Variants in VWA3A observed in about 807,000 individuals in gnomAD.
The protein encoded by VWA3A is von Willebrand factor A domain-containing protein 3A.
In VWA3A, 134 loss-of-function variants were observed where a neutral mutation model predicts 160.4. The ratio of observed to expected loss-of-function variants is 0.84; its 90% CI spans 0.73 to 0.96. The LOEUF (loss-of-function observed/expected upper bound fraction) is 0.96. Ranked by LOEUF, VWA3A falls within the 40% of genes least tolerant of loss-of-function variation. VWA3A has a pLI of 0.00. For missense variants in VWA3A, 1,310 were observed against 1,447.9 expected, an observed-to-expected ratio of 0.90 and a Z score of 1.55; for synonymous variants, 476 against 543.4, an observed-to-expected ratio of 0.88 and a Z score of 1.72.
chr16:22,155,758 C>A, intron 32 of VWA3A, 93 bp from the exon 33 acceptor site: 1 of 1,603,318 alleles, frequency 6.2e-7, no homozygotes, highest in South Asian at 1.1e-5. Flanking sequence ...CATGATGGTA[C>A]CCTTGCTCCA....
intron 16 of VWA3A, among the ~76,000 whole-genome samples, chr16:22,125,966 C>G (rs2045841226): frequency 6.6e-6 from 1 of 152,088 alleles, no homozygotes; most frequent in Non-Finnish European, 1.5e-5. Flanking sequence ...CATTAAAGCA[C>G]CTCCTGGGAG....
chr16:22,146,158 A>T lies in VWA3A; in HGVS notation c.2731-78A>T, dbSNP rs1055767632. The stretch of plus-strand genomic sequence containing the variant: ...TGAGAATTGTTAACCACAATGGAAT[A>T]AACAATTTTAGGGGGTGATGGGGAT... On this transcript the variant is annotated intron_variant, in intron 26 of 33. Coordinates refer to ENST00000389398, the MANE Select transcript of VWA3A (RefSeq NM_173615.5). 39 of 1,187,574 alleles carry T rather than the reference A, an allele frequency of 3.3e-5. No individual in the cohort carries two copies. The African/African-American group carries it at 4.7e-4, about 14-fold the overall frequency. The allele number at this position is 1,187,574 out of a possible 1,614,324, so 73.6% of individuals were successfully genotyped here.
intron 5 of VWA3A, among the ~76,000 whole-genome samples, chr16:22,101,815 T>C (rs1380634760): frequency 6.6e-6 from 1 of 152,260 alleles, no homozygotes; most frequent in African/African-American, 2.4e-5. Context: ...TCAGTTTTAA[T>C]TGTGAATCCA....
chr16:22,106,061 G>A (rs767419419), intron 6 of VWA3A, among the ~76,000 whole-genome samples: 62 of 152,288 alleles, frequency 4.1e-4, no homozygotes, highest in Non-Finnish European at 7.5e-4. Flanking sequence ...GCTGAGTAAG[G>A]GAACAGAGGG....
intron 26 of VWA3A, among the ~76,000 whole-genome samples, chr16:22,145,814 T>C (rs2046239581): frequency 2.6e-5 from 4 of 152,066 alleles, no homozygotes. Flanking sequence ...ATGGTTGTTT[T>C]TTGTGGGTTT....
chr16:22,130,155 G>T (rs2141953282), intron 17 of VWA3A, among the ~76,000 whole-genome samples: 1 of 152,262 alleles, frequency 6.6e-6, no homozygotes, highest in Admixed American at 6.5e-5. Flanking sequence ...TCCACTGGTG[G>T]GGGAATGGAG....
At chr16:22,116,414 AG>A (rs2045648715) in intron 9 of VWA3A, 1 of 445,112 alleles carries the variant, frequency 2.2e-6, no homozygotes. Context: ...AGAAAAACAA[AG>A]GAAAAAGGAA....
In VWA3A at chr16:22,100,310, A is replaced by G; in HGVS notation, c.342A>G (p.Thr114=). ...LTLADLISQG[T]EVLEEGTNVV... ...TGGCTGACCTGATAAGCCAGGGCAC[A>G]GAAGTGCTGTAAGTCTGAAGCTGTT... The change falls in exon 4 of 34, where the codon ACA becomes ACG. Residue 114 remains threonine (T), a synonymous_variant. Transcript: ENST00000389398. 2.6e-6 allele frequency: 4 copies of G among 1,551,670 alleles called. No individual in the cohort carries two copies. The highest frequency in any genetic ancestry group is 3.5e-6 in the Non-Finnish European group (4 of 1,147,008).
chr16:22,144,363 C>T lies in VWA3A; in HGVS notation c.2709C>T (p.Ile903=). 3.7e-6 allele frequency: 6 copies of T among 1,613,858 alleles called. No homozygotes were observed. The highest frequency in any genetic ancestry group is 5.1e-6 in the Non-Finnish European group (6 of 1,179,866). ...CAGCATCCGCCAAACACTGCAGCAT[C>T]TTCCCCAGCGTTGAGATCCATGTAA... ...QRSASAKHCS[I]FPSVEIHGVV... Residue 903 remains isoleucine, a synonymous_variant, in exon 26 of 34, where the codon ATC becomes ATT. Coordinates refer to ENST00000389398, the MANE Select transcript of VWA3A (RefSeq NM_173615.5).
intron 31 of VWA3A, among the ~76,000 whole-genome samples, chr16:22,154,823 G>C (rs2046410269): frequency 6.7e-6 from 1 of 150,282 alleles, no homozygotes; most frequent in Non-Finnish European, 1.5e-5. Context: ...GCGCGGTGGC[G>C]GGCGCCTGTA....
intron 1 of VWA3A, among the ~76,000 whole-genome samples, chr16:22,095,369 C>A (rs2141821861): frequency 6.6e-6 from 1 of 152,214 alleles, no homozygotes; most frequent in East Asian, 1.9e-4. Context: ...GAAAGGGAGG[C>A]CCTTGTGGAA....
At chr16:22,100,391 C>T (rs2141836912) in intron 4 of VWA3A, 25 bp from the exon 5 acceptor site, 3 of 1,551,662 alleles carry the variant, frequency 1.9e-6, no homozygotes, top group East Asian at 4.9e-5. Context: ...CCGAGAGATC[C>T]CCTCATAAGG....
At chr16:22,147,449 A>G in intron 27 of VWA3A, 1 of 637,056 alleles carries the variant, frequency 1.6e-6, no homozygotes, top group Non-Finnish European at 2.9e-6. Flanking sequence ...ACAGGAGGGG[A>G]TTCGGGCTAT....
chr16:22,117,152 C>G lies in VWA3A; in HGVS notation c.966C>G (p.Tyr322Ter), dbSNP rs1349627273. Residue 322 changes from tyrosine to a stop codon, truncating the protein, a stop_gained, in exon 11 of 34, where the codon TAC becomes TAG. Coordinates refer to ENST00000389398, the MANE Select transcript of VWA3A (RefSeq NM_173615.5). LOFTEE classifies it high-confidence loss of function. ...KNLAEAVRGYYHCYSPKMEHY... is the reference protein window; with the variant it reads ...KNLAEAVRGY ...TTGCAGAAGCTGTTAGGGGCTACTA[C>G]CACTGCTACAGCCCAAAGATGGAGG... 1.1e-5 allele frequency: 18 copies of G among 1,583,938 alleles called. No homozygotes were observed. The East Asian group carries it at 4.1e-4, about 37-fold the overall frequency.
Position 22,115,550 on chromosome 16 carries a change from G to A in VWA3A, c.815+78G>A. The A allele has an allele frequency of 6.8e-6, 10 of 1,471,194 alleles. No homozygotes were observed. In the Middle Eastern group the frequency reaches 1.5e-3, roughly 217 times the overall value. The allele number at this position is 1,471,194 out of a possible 1,614,324, so 91.1% of individuals were successfully genotyped here. A position where few individuals can be genotyped will look rare whatever the true frequency, so the allele number is the denominator to read the frequency against. On this transcript the variant is annotated intron_variant, in intron 9 of 33. Coordinates refer to ENST00000389398, the MANE Select transcript of VWA3A (RefSeq NM_173615.5). Reference sequence around the variant, plus strand: ...CCAAACCACTTTTTGAGAAAAGATTGGCTTGTCACAGTGGCTCATGCCTGT... The same window carrying A: ...CCAAACCACTTTTTGAGAAAAGATTAGCTTGTCACAGTGGCTCATGCCTGT...
Position 22,117,146 on chromosome 16 carries a change from C to A in VWA3A, c.960C>A (p.Gly320=). 1 of 1,584,256 alleles carries A rather than the reference C, an allele frequency of 6.3e-7. No homozygotes were observed. Residue 320 remains glycine, a synonymous_variant, in exon 11 of 34, where the codon GGC becomes GGA. Transcript: ENST00000389398. Reference sequence around the variant, plus strand: ...AGAACCTTGCAGAAGCTGTTAGGGGCTACTACCACTGCTACAGCCCAAAGA... The same window carrying A: ...AGAACCTTGCAGAAGCTGTTAGGGGATACTACCACTGCTACAGCCCAAAGA... ...VLKNLAEAVR[G]YYHCYSPKME... is the part of the protein sequence containing the mutation.
Position 22,097,244 on chromosome 16 carries a change from C to A in VWA3A, c.101+299C>A, listed in dbSNP as rs1056791954. ...CCTCCCAAAGTGCTGGGATTACAAG[C>A]GTGAGCCACCGTGCCTGGGCTAGTT... On this transcript the variant is annotated intron_variant, in intron 2 of 33. Coordinates refer to ENST00000389398, the MANE Select transcript of VWA3A (RefSeq NM_173615.5). Among the ~76,000 whole-genome samples, 4 of 152,226 alleles carry A rather than the reference C, an allele frequency of 2.6e-5. No individual in the cohort carries two copies. The South Asian group carries it at 8.3e-4, about 32-fold the overall frequency.
chr16:22,107,380 TCAATAGTGCCAAATGC>T lies in VWA3A; in HGVS notation c.484-2086_484-2071del, dbSNP rs1264161495. 4.6e-5 allele frequency among the ~76,000 whole-genome samples: 7 copies of T among 152,222 alleles called. No homozygotes were observed. The South Asian group carries it at 1.5e-3, about 32-fold the overall frequency. ...AACAGATAATTATCCAGCCCAAATG[TCAATAGTGCCAAATGC>T]CAATAGTGCCAAATGTCAATAGTGC... is the stretch of plus-strand genomic sequence containing the variant. On this transcript the variant is annotated intron_variant, in intron 6 of 33. Transcript: ENST00000389398.
intron 5 of VWA3A, among the ~76,000 whole-genome samples, chr16:22,101,452 G>T (rs2045406805): frequency 6.6e-6 from 1 of 152,154 alleles, no homozygotes; most frequent in Non-Finnish European, 1.5e-5. Flanking sequence ...TTTTCATGCT[G>T]CTGATAAAGA....
Sources: gnomAD v4.1 joint callset for allele counts (sites outside exome capture counted in the v4.1 genomes callset) on GRCh38, gnomAD v4.1.1 for gene constraint, MANE v1.5 for transcripts, NCBI Gene and HGNC (gene_info 2026-07-23, HGNC 2026-07-21) for gene names.